Variants in DPP10 observed in about 807,000 individuals in gnomAD.
DPP10 encodes dipeptidyl peptidase like 10.
In DPP10, 33 loss-of-function variants were observed where a neutral mutation model predicts 120.9. The ratio of observed to expected loss-of-function variants is 0.27; its 90% CI spans 0.21 to 0.37. The LOEUF (loss-of-function observed/expected upper bound fraction) is 0.37, where lower values mean the gene tolerates loss of function less well. Ranked by LOEUF, DPP10 falls within the 10% of genes least tolerant of loss-of-function variation. DPP10 has a pLI of 1.00. For synonymous variants in DPP10, 337 were observed against 326.1 expected, an observed-to-expected ratio of 1.03 and a Z score of -0.36; for missense variants, 816 against 942.8, an observed-to-expected ratio of 0.87 and a Z score of 1.76.
chr2:115,470,629 T>A (rs1036371649), intron 3 of DPP10, among the ~76,000 whole-genome samples: 1 of 152,174 alleles, frequency 6.6e-6, no homozygotes, highest in Non-Finnish European at 1.5e-5. Context: ...TCTGTAACAT[T>A]CCATCACTGT....
chr2:114,947,865 T>C (rs941345892), intron 1 of DPP10, among the ~76,000 whole-genome samples: 7 of 152,044 alleles, frequency 4.6e-5, no homozygotes, highest in African/African-American at 7.2e-5. Context: ...TGAATTTTCC[T>C]TTGGCTTTTT....
Position 115,133,762 on chromosome 2 carries a change from C to T in DPP10, c.61-175477C>T, listed in dbSNP as rs144888565. 4.4e-3 allele frequency among the ~76,000 whole-genome samples: 667 copies of T among 152,216 alleles called. 8 individuals carry two copies. The highest frequency in any genetic ancestry group is 0.015 in the African/African-American group (628 of 41,538). ...TAAGATAGGTGAAGACCATTTTGGA[C>T]GCAAATGAGCTAAACTGCTTATCTA... On this transcript the variant is annotated intron_variant, in intron 1 of 25. Transcript: ENST00000410059.
At chr2:115,255,814 T>G (rs1277542484) in intron 1 of DPP10, among the ~76,000 whole-genome samples, 1 of 152,162 alleles carries the variant, frequency 6.6e-6, no homozygotes, top group East Asian at 1.9e-4. Context: ...CAGATTTTGG[T>G]CAAAACCATT....
chr2:114,877,163 T>C (rs539862617), intron 1 of DPP10, among the ~76,000 whole-genome samples: 1 of 152,200 alleles, frequency 6.6e-6, no homozygotes, highest in East Asian at 1.9e-4. Flanking sequence ...ACCAGAACAG[T>C]AGAAACACTG....
chr2:115,057,157 T>G (rs1490461025), intron 1 of DPP10, among the ~76,000 whole-genome samples: 1 of 152,234 alleles, frequency 6.6e-6, no homozygotes, highest in Non-Finnish European at 1.5e-5. Flanking sequence ...GCTCAGCCCT[T>G]TCTTAACTCT....
chr2:114,796,840 G>C (rs1456670573), intron 1 of DPP10, among the ~76,000 whole-genome samples: 1 of 152,186 alleles, frequency 6.6e-6, no homozygotes, highest in African/African-American at 2.4e-5. Flanking sequence ...GTTTTGGCCA[G>C]CTAAAAACAA....
At chr2:114,833,853 T>C (rs1574298643) in intron 1 of DPP10, 1 of 152,150 alleles carries the variant, frequency 6.6e-6, no homozygotes, top group Non-Finnish European at 1.5e-5. Flanking sequence ...GTCAAAATCA[T>C]AAACCCTCTT....
chr2:115,590,704 A>C (rs1025239256), intron 5 of DPP10, among the ~76,000 whole-genome samples: 2 of 152,200 alleles, frequency 1.3e-5, no homozygotes, highest in African/African-American at 4.8e-5. Context: ...GGTTGGGTCA[A>C]ATGGTATTTC....
At chr2:115,331,191 G>C (rs1226363286) in intron 2 of DPP10, among the ~76,000 whole-genome samples, 3 of 152,084 alleles carry the variant, frequency 2.0e-5, no homozygotes, top group Non-Finnish European at 4.4e-5. Flanking sequence ...TGAAGCAATT[G>C]TGAATGGGAG....
intron 5 of DPP10, among the ~76,000 whole-genome samples, chr2:115,528,315 A>T (rs2078255708): frequency 6.6e-6 from 1 of 151,994 alleles, no homozygotes; most frequent in Non-Finnish European, 1.5e-5. Flanking sequence ...ATATGTAACA[A>T]ACCTGCACAT....
At chr2:115,156,610 G>T (rs2051930994) in intron 1 of DPP10, among the ~76,000 whole-genome samples, 1 of 152,220 alleles carries the variant, frequency 6.6e-6, no homozygotes, top group South Asian at 2.1e-4. Context: ...TATAAGGAAA[G>T]AAATTGAGTA....
At chr2:114,898,195 G>A (rs1478483826) in intron 1 of DPP10, among the ~76,000 whole-genome samples, 2 of 152,170 alleles carry the variant, frequency 1.3e-5, no homozygotes, top group Non-Finnish European at 1.5e-5. Context: ...CATGTCCTTT[G>A]TAGGGACATG....
chr2:115,026,802 C>T (rs142288409), intron 1 of DPP10, among the ~76,000 whole-genome samples: 112 of 152,272 alleles, frequency 7.4e-4, no homozygotes, highest in African/African-American at 2.1e-3. Context: ...CTCCCAAATG[C>T]TGGGATTACA....
intron 1 of DPP10, among the ~76,000 whole-genome samples, chr2:114,583,703 T>G (rs980478292): frequency 6.6e-6 from 1 of 152,196 alleles, no homozygotes; most frequent in Admixed American, 6.5e-5. Flanking sequence ...TATAACTGAA[T>G]CTTTGCACTA....
chr2:114,976,841 C>T (rs1699785741), intron 1 of DPP10, among the ~76,000 whole-genome samples: 1 of 152,016 alleles, frequency 6.6e-6, no homozygotes, highest in African/African-American at 2.4e-5. Flanking sequence ...ATGTTACTTT[C>T]CTCATTACTA....
intron 1 of DPP10, among the ~76,000 whole-genome samples, chr2:114,655,988 G>T (rs1696939007): frequency 6.6e-6 from 1 of 152,234 alleles, no homozygotes; most frequent in South Asian, 2.1e-4. Flanking sequence ...ATCGAATTAG[G>T]TGTTGTAAGT....
chr2:115,277,447 CTTTTTTTTTTTTTTTTTT>C (rs70941038), intron 1 of DPP10, among the ~76,000 whole-genome samples: 2 of 49,742 alleles, frequency 4.0e-5, no homozygotes, highest in African/African-American at 1.6e-4. Flanking sequence ...CTGCCAGGGC[CTTTTTTTTTTTTTTTTTT>C]TTTTTTTTTT....
intron 3 of DPP10, among the ~76,000 whole-genome samples, chr2:115,362,539 C>G (rs1261744194): frequency 6.6e-6 from 1 of 152,016 alleles, no homozygotes; most frequent in Non-Finnish European, 1.5e-5. Flanking sequence ...TTTGGTTAAG[C>G]TGAGTAACAA....
chr2:115,535,036 C>A (rs1023231761), intron 5 of DPP10, among the ~76,000 whole-genome samples: 1 of 147,684 alleles, frequency 6.8e-6, no homozygotes, highest in Non-Finnish European at 1.5e-5. Context: ...GAGTAGGTTG[C>A]GAAAATTTTC....
Sources: allele counts gnomAD v4.1 joint callset (sites outside exome capture counted in the v4.1 genomes callset), GRCh38; gene constraint gnomAD v4.1.1; transcripts MANE v1.5; gene names NCBI Gene and HGNC (gene_info 2026-07-23, HGNC 2026-07-21).